The following CCSER1 variants were observed in gnomAD, a reference collection of about 807,000 sequenced individuals.
CCSER1 encodes serine-rich coiled-coil domain-containing protein 1.
Under a neutral mutation model 82.0 loss-of-function variants are expected in CCSER1, and 41 were observed. The ratio of observed to expected loss-of-function variants is 0.50; its 90% CI spans 0.39 to 0.65. The LOEUF is 0.65. Among genes scored for constraint, CCSER1 ranks in the 30% least tolerant of loss-of-function variants. The probability of loss-of-function intolerance (pLI) is 0.00; values close to 1 mark genes in which losing one functional copy is unlikely to be tolerated. For synonymous variants in CCSER1, 414 were observed against 383.9 expected (o/e 1.08, Z -0.92); for missense variants, 1,119 against 1,064.2 (o/e 1.05, Z -0.72).
rs72475346 is a variant in CCSER1 at position 91,296,449 on chromosome 4, T to TTATATATA, written c.2217+210465_2217+210472dup. On this transcript the variant is annotated intron_variant, in intron 10 of 10. Transcript: ENST00000509176. Reference sequence around the variant, plus strand: ...CTGGTGTAAACAGAAGTGTCTAACATTATATATATATATATATGTATATAT... The same window carrying TTATATATA: ...CTGGTGTAAACAGAAGTGTCTAACATTATATATATATATATATATATATATGTATATAT... 9.6e-4 allele frequency among the ~76,000 whole-genome samples: 90 copies of TTATATATA among 94,074 alleles called. 2 individuals are homozygous for TTATATATA. The highest frequency in any genetic ancestry group is 4.3e-3 in the African/African-American group (77 of 17,988). 61.7% of individuals were successfully genotyped at this position (94,074 alleles called of 152,430 possible). A position where few individuals can be genotyped will look rare whatever the true frequency, so the allele number is the denominator to read the frequency against.
intron 10 of CCSER1, among the ~76,000 whole-genome samples, chr4:91,282,845 A>G (rs539396663): frequency 3.9e-5 from 6 of 152,266 alleles, no homozygotes; most frequent in African/African-American, 1.2e-4. Context: ...ATGGTTCTTT[A>G]ACTGATTCTG....
At chr4:90,387,706 T>C (rs1442119766) in intron 3 of CCSER1, among the ~76,000 whole-genome samples, 1 of 152,112 alleles carries the variant, frequency 6.6e-6, no homozygotes, top group Non-Finnish European at 1.5e-5. Context: ...CAGGCAAGCT[T>C]CCCTTTTTGG....
intron 9 of CCSER1, among the ~76,000 whole-genome samples, chr4:91,027,802 T>C (rs921271626): frequency 6.6e-5 from 10 of 152,056 alleles, no homozygotes; most frequent in Admixed American, 6.6e-4. Context: ...ATTGGACCTG[T>C]GTTTAGTCCT....
rs72872998 is a variant in CCSER1 at position 91,207,897 on chromosome 4, T to G, written c.2217+121903T>G. On this transcript the variant is annotated intron_variant, in intron 10 of 10. Transcript: ENST00000509176. ...CTGAAGTTTGCTAACATCTGATATT[T>G]TTGACTTTTTAATAACAGCCGTTCT... Among the ~76,000 whole-genome samples, 586 of 151,888 alleles carry G rather than the reference T, an allele frequency of 3.9e-3. 2 individuals are homozygous for G. Among genetic ancestry groups the G allele is most frequent in the African/African-American group, 0.013 (543 of 41,516 alleles).
intron 6 of CCSER1, among the ~76,000 whole-genome samples, chr4:90,722,555 A>G (rs1219752937): frequency 6.6e-6 from 1 of 151,914 alleles, no homozygotes; most frequent in African/African-American, 2.4e-5. Flanking sequence ...TTTTGAAATT[A>G]AAGTCAATAA....
chr4:91,424,799 C>A (rs765326048), intron 10 of CCSER1, among the ~76,000 whole-genome samples: 1 of 151,654 alleles, frequency 6.6e-6, no homozygotes, highest in Non-Finnish European at 1.5e-5. Flanking sequence ...AATATCTTTC[C>A]GAGTATAGGT....
intron 3 of CCSER1, among the ~76,000 whole-genome samples, chr4:90,319,608 C>T (rs573530214): frequency 7.9e-5 from 12 of 151,054 alleles, no homozygotes; most frequent in East Asian, 7.9e-4. Flanking sequence ...GCCGAGATCG[C>T]GCCACTGCAC....
At chr4:90,272,742 C>T (rs1208097169) in intron 1 of CCSER1, among the ~76,000 whole-genome samples, 1 of 152,136 alleles carries the variant, frequency 6.6e-6, no homozygotes, top group African/African-American at 2.4e-5. Flanking sequence ...ATGGCTCACG[C>T]CTGTAATCCC....
intron 9 of CCSER1, among the ~76,000 whole-genome samples, chr4:91,041,127 C>G (rs1262663610): frequency 6.6e-6 from 1 of 151,962 alleles, no homozygotes; most frequent in Non-Finnish European, 1.5e-5. Flanking sequence ...ATCAGGTGGA[C>G]TAGGGGAGAT....
At chr4:91,194,000 C>T (rs1459280100) in intron 10 of CCSER1, among the ~76,000 whole-genome samples, 7 of 152,162 alleles carry the variant, frequency 4.6e-5, no homozygotes, top group African/African-American at 7.2e-5. Context: ...GACGTAGTCT[C>T]ACTCTGTTGC....
chr4:90,957,443 C>G (rs1360859879), intron 9 of CCSER1, among the ~76,000 whole-genome samples: 1 of 141,340 alleles, frequency 7.1e-6, no homozygotes, highest in East Asian at 2.0e-4. Context: ...AAACGAACAG[C>G]AATTTCATGG....
chr4:90,333,551 C>G (rs1220640542), intron 3 of CCSER1, among the ~76,000 whole-genome samples: 1 of 152,186 alleles, frequency 6.6e-6, no homozygotes, highest in Non-Finnish European at 1.5e-5. Context: ...AGAGACATGC[C>G]TGGTCTTAAT....
chr4:90,653,264 T>TTTTTATAAAAAGTGTA (rs1193245432), intron 6 of CCSER1, among the ~76,000 whole-genome samples: 1 of 152,148 alleles, frequency 6.6e-6, no homozygotes, highest in Admixed American at 6.6e-5. Flanking sequence ...AATAATCTCA[T>TTTTTATAAAAAGTGTA]TTTTATAAAA....
intron 1 of CCSER1, among the ~76,000 whole-genome samples, chr4:90,175,594 A>G (rs1001106465): frequency 6.6e-6 from 1 of 152,046 alleles, no homozygotes; most frequent in East Asian, 1.9e-4. Context: ...GGATTTTTGG[A>G]TTATACCAGG....
intron 9 of CCSER1, among the ~76,000 whole-genome samples, chr4:90,959,721 A>C: frequency 6.7e-6 from 1 of 149,846 alleles, no homozygotes; most frequent in Non-Finnish European, 1.5e-5. Flanking sequence ...CATCCTGTGG[A>C]AGTTCTGCCT....
intron 8 of CCSER1, chr4:90,838,866 G>A (rs201371400): frequency 3.7e-5 from 59 of 1,610,928 alleles, no homozygotes; most frequent in Admixed American, 1.7e-5. Flanking sequence ...GGCAATGCTT[G>A]TGGAATGTAC....
At chr4:90,554,900 GAA>G (rs1387674941) in intron 5 of CCSER1, among the ~76,000 whole-genome samples, 1 of 152,164 alleles carries the variant, frequency 6.6e-6, no homozygotes, top group East Asian at 1.9e-4. Context: ...GTGAAGATGA[GAA>G]GAGAGCCAAC....
At chr4:91,171,936 A>T (rs527346214) in intron 10 of CCSER1, among the ~76,000 whole-genome samples, 7 of 152,182 alleles carry the variant, frequency 4.6e-5, no homozygotes, top group African/African-American at 1.7e-4. Context: ...TTAAATATTC[A>T]GGGTCCAACT....
chr4:90,634,200 A>G (rs1052906833), intron 6 of CCSER1, among the ~76,000 whole-genome samples: 1 of 151,790 alleles, frequency 6.6e-6, no homozygotes, highest in Non-Finnish European at 1.5e-5. Flanking sequence ...CTAACAAAAT[A>G]GCCAGATAAG....
Sources: allele counts gnomAD v4.1 joint callset (sites outside exome capture counted in the v4.1 genomes callset), GRCh38; gene constraint gnomAD v4.1.1; transcripts MANE v1.5; gene names NCBI Gene and HGNC (gene_info 2026-07-23, HGNC 2026-07-21).